Variants in OR3A2 observed in about 807,000 individuals in gnomAD.
The protein encoded by OR3A2 is olfactory receptor 3A2.
For synonymous variants in OR3A2, 126 were observed against 159.3 expected (o/e 0.79, Z 1.57); for missense variants, 318 against 392.8 (o/e 0.81, Z 1.61).
rs1038399581 is a variant in OR3A2 at position 3,351,127 on chromosome 17, A to G, written c.-178-15001T>C. 3.8e-3 allele frequency among the ~76,000 whole-genome samples: 581 copies of G among 151,360 alleles called. 6 individuals are homozygous for G. The highest frequency in any genetic ancestry group is 0.013 in the African/African-American group (533 of 41,352). On this transcript the variant is annotated intron_variant, in intron 2 of 4. Transcript: ENST00000573491. Reference sequence around the variant, plus strand: ...CATTCCCTTTGAAAACTGGCACAAGACAGGGATGCCCTCTCTCACCACTCC... The same window carrying G: ...CATTCCCTTTGAAAACTGGCACAAGGCAGGGATGCCCTCTCTCACCACTCC...
intron 2 of OR3A2, among the ~76,000 whole-genome samples, chr17:3,378,773 C>T (rs1425220263): frequency 6.6e-6 from 1 of 152,162 alleles, no homozygotes; most frequent in East Asian, 1.9e-4. Flanking sequence ...AATACCACTT[C>T]CCCCCGGAAG....
intron 2 of OR3A2, among the ~76,000 whole-genome samples, chr17:3,353,913 A>T (rs376063614): frequency 0.15 from 22,820 of 150,646 alleles, 2,279 homozygotes; most frequent in African/African-American, 0.28. Context: ...TTATTCATCC[A>T]TTTTTTTTTG....
intron 3 of OR3A2, among the ~76,000 whole-genome samples, chr17:3,308,401 C>T (rs146847185): frequency 6.6e-6 from 1 of 152,120 alleles, no homozygotes; most frequent in African/African-American, 2.4e-5. Context: ...TGAGTCTCAT[C>T]TCAAGACTCC....
chr17:3,356,287 A>G (rs1190715165), intron 2 of OR3A2, among the ~76,000 whole-genome samples: 1 of 151,452 alleles, frequency 6.6e-6, no homozygotes, highest in East Asian at 1.9e-4. Context: ...ATAGTGTTTT[A>G]AGATTCTGTT....
upstream of OR3A2, among the ~76,000 whole-genome samples, chr17:3,284,704 C>T (rs569751030): frequency 5.9e-4 from 85 of 144,804 alleles, 3 homozygotes; most frequent in Admixed American, 9.7e-4. Context: ...CAGGTTGTTA[C>T]GGCAGATGAT....
At chr17:3,371,425 ACC>A (rs1429472515) in intron 2 of OR3A2, among the ~76,000 whole-genome samples, 1 of 110,842 alleles carries the variant, frequency 9.0e-6, no homozygotes, top group Non-Finnish European at 1.8e-5. Flanking sequence ...CAGGGGGCTG[ACC>A]CCCCCACCTC....
At chr17:3,375,218 CT>C (rs1161264007) in intron 2 of OR3A2, among the ~76,000 whole-genome samples, 28 of 27,086 alleles carry the variant, frequency 1.0e-3, no homozygotes, top group Non-Finnish European at 1.4e-3. Context: ...AGATTTCTTC[CT>C]TTTTTTTTTT....
At chr17:3,369,805 C>T (rs1482509397) in intron 2 of OR3A2, among the ~76,000 whole-genome samples, 7 of 134,666 alleles carry the variant, frequency 5.2e-5, no homozygotes, top group African/African-American at 8.5e-5. Context: ...TAGATTGGTA[C>T]TTTTTTTTTT....
intron 3 of OR3A2, chr17:3,292,434 G>A (rs749896963): frequency 6.2e-7 from 1 of 1,614,002 alleles, no homozygotes; most frequent in Non-Finnish European, 8.5e-7. Flanking sequence ...CAAGACAGCT[G>A]CCAGGATGCT....
At chr17:3,383,589 G>A (rs2049756159) in intron 2 of OR3A2, among the ~76,000 whole-genome samples, 1 of 152,098 alleles carries the variant, frequency 6.6e-6, no homozygotes, top group South Asian at 2.1e-4. Flanking sequence ...AGAGGAGTTT[G>A]GGGAGTGCAG....
intron 2 of OR3A2, among the ~76,000 whole-genome samples, chr17:3,372,970 T>C (rs1410441757): frequency 6.6e-6 from 1 of 152,044 alleles, no homozygotes; most frequent in African/African-American, 2.4e-5. Flanking sequence ...AGCACTACTT[T>C]TGCTACATCC....
chr17:3,308,901 C>T (rs1332187155), intron 3 of OR3A2, among the ~76,000 whole-genome samples: 1 of 67,958 alleles, frequency 1.5e-5, no homozygotes, highest in African/African-American at 6.5e-5. Context: ...AGGTGGATCA[C>T]TGAGTATTTT....
intron 2 of OR3A2, among the ~76,000 whole-genome samples, chr17:3,337,807 G>A (rs1597348005): frequency 1.3e-5 from 2 of 152,162 alleles, no homozygotes; most frequent in East Asian, 3.9e-4. Flanking sequence ...GGATGGCTGG[G>A]TCAAATGGTA....
At chr17:3,279,107 A>G in intron 1 of OR3A2, 1 of 901,168 alleles carries the variant, frequency 1.1e-6, no homozygotes, top group East Asian at 2.6e-5. Flanking sequence ...CAATGACACC[A>G]CCACCTTGTC....
chr17:3,367,601 G>GTGTGTGTATATATATATATATATATA (rs1555530074), intron 2 of OR3A2, among the ~76,000 whole-genome samples: 1 of 122,522 alleles, frequency 8.2e-6, no homozygotes, highest in African/African-American at 3.6e-5. Context: ...GTGTGTGTGT[G>GTGTGTGTATATATATATATATATATA]TATATATATA....
intron 2 of OR3A2, among the ~76,000 whole-genome samples, chr17:3,340,125 T>C (rs2049305107): frequency 6.6e-6 from 1 of 152,176 alleles, no homozygotes; most frequent in South Asian, 2.1e-4. Context: ...GATATCCCCT[T>C]TATTATTTTT....
intron 2 of OR3A2, among the ~76,000 whole-genome samples, chr17:3,366,181 A>C (rs1237908289): frequency 1.3e-5 from 2 of 152,210 alleles, no homozygotes; most frequent in African/African-American, 4.8e-5. Flanking sequence ...AGTAGGAGTG[A>C]AGTAGTTCCC....
chr17:3,348,434 T>C (rs894012856), intron 2 of OR3A2, among the ~76,000 whole-genome samples: 9 of 151,970 alleles, frequency 5.9e-5, no homozygotes, highest in African/African-American at 2.2e-4. Flanking sequence ...GTATCAGTGA[T>C]GGAAGATGAA....
At chr17:3,313,113 A>T (rs2049057287) in intron 3 of OR3A2, among the ~76,000 whole-genome samples, 1 of 152,210 alleles carries the variant, frequency 6.6e-6, no homozygotes, top group Non-Finnish European at 1.5e-5. Context: ...AATTACGGCA[A>T]TCCAGAGAGA....
Sources: allele counts gnomAD v4.1 joint callset (sites outside exome capture counted in the v4.1 genomes callset), GRCh38; gene constraint gnomAD v4.1.1; transcripts MANE v1.5; gene names NCBI Gene and HGNC (gene_info 2026-07-23, HGNC 2026-07-21).